Variants in NTRK3 observed in about 807,000 individuals in gnomAD.
NTRK3 encodes NT-3 growth factor receptor.
NTRK3 carries 24 observed loss-of-function variants against 91.7 expected under a neutral mutation model. The observed-to-expected ratio is 0.26, with a 90% CI of 0.19 to 0.37. NTRK3 has a LOEUF of 0.37. Among genes scored for constraint, NTRK3 ranks in the 10% least tolerant of loss-of-function variants. The probability of loss-of-function intolerance (pLI) is 1.00; values close to 1 mark genes in which losing one functional copy is unlikely to be tolerated. For missense variants in NTRK3, 880 were observed against 1,068.9 expected (o/e 0.82, Z 2.46); for synonymous variants, 483 against 404.0 (o/e 1.20, Z -2.34).
intron 13 of NTRK3, chr15:88,098,777 T>C: frequency 4.3e-6 from 1 of 232,766 alleles, no homozygotes; most frequent in Non-Finnish European, 8.5e-6. Flanking sequence ...GAAAGGAACA[T>C]GGGAGAGATG....
At chr15:88,114,208 C>T (rs1173447588) in intron 13 of NTRK3, among the ~76,000 whole-genome samples, 1 of 152,160 alleles carries the variant, frequency 6.6e-6, no homozygotes, top group African/African-American at 2.4e-5. Context: ...GAGGGAGGAA[C>T]AGCTCCCCTG....
intron 3 of NTRK3, among the ~76,000 whole-genome samples, chr15:88,193,636 C>T (rs1021729501): frequency 6.6e-6 from 1 of 152,158 alleles, no homozygotes; most frequent in African/African-American, 2.4e-5. Flanking sequence ...ATGAACGAAT[C>T]CCCAAAGGGA....
At chr15:88,059,023 T>C (rs1404864662) in intron 13 of NTRK3, among the ~76,000 whole-genome samples, 2 of 151,246 alleles carry the variant, frequency 1.3e-5, no homozygotes, top group East Asian at 1.9e-4. Flanking sequence ...AGAAGGTGCA[T>C]GGCCCCTTTA....
In NTRK3 at chr15:87,877,202, C is replaced by T. The variant is rs534481124; in HGVS notation, c.2293-82G>A. On this transcript the variant is annotated intron_variant, in intron 18 of 18. Transcript: ENST00000394480. ...GCTCAGACTCGGCAAAAAGCAACAA[C>T]TTCCCGGATTAGTTTCTATGCAGAG... The T allele has an allele frequency of 9.0e-5, 129 of 1,432,108 alleles. No homozygotes were observed. In the African/African-American group the frequency reaches 1.6e-3, roughly 18 times the overall value. 88.7% of individuals were successfully genotyped at this position (1,432,108 alleles called of 1,614,324 possible).
chr15:88,166,806 C>A (rs1333698249), intron 5 of NTRK3, among the ~76,000 whole-genome samples: 1 of 152,148 alleles, frequency 6.6e-6, no homozygotes, highest in African/African-American at 2.4e-5. Flanking sequence ...CGTTACATAA[C>A]CTCTCTGAGC....
chr15:87,931,114 C>T, intron 16 of NTRK3: 2 of 434,296 alleles, frequency 4.6e-6, no homozygotes, highest in South Asian at 3.4e-5. Flanking sequence ...ACTCTAGGCT[C>T]TCACTCTTTA....
intron 16 of NTRK3, chr15:87,931,314 G>A (rs2068778499): frequency 2.1e-6 from 1 of 472,562 alleles, no homozygotes; most frequent in Non-Finnish European, 4.2e-6. Flanking sequence ...CAAAGTGAGG[G>A]CTATCCCGAA....
chr15:88,131,649 T>C lies in NTRK3; in HGVS notation c.1205-2915A>G, dbSNP rs1157143947. Among the ~76,000 whole-genome samples the C allele has an allele frequency of 4.6e-5, 7 of 152,350 alleles. No homozygotes were observed. The East Asian group carries it at 1.3e-3, about 29-fold the overall frequency. ...TTTACATTCATTTGCATATGTCTCA[T>C]AAGGCTCCCATTTATTAGAGAATAT... On this transcript the variant is annotated intron_variant, in intron 10 of 18. Transcript: ENST00000394480.
intron 17 of NTRK3, among the ~76,000 whole-genome samples, chr15:87,892,181 C>A (rs568710774): frequency 1.3e-5 from 2 of 151,832 alleles, no homozygotes; most frequent in Non-Finnish European, 2.9e-5. Context: ...AGGAGTGAAA[C>A]CCTACAGAGT....
At chr15:88,033,000 A>C (rs1388441432) in exon 14 of NTRK3, 2 of 1,607,648 alleles carry the variant, frequency 1.2e-6, no homozygotes, top group South Asian at 2.2e-5. Flanking sequence ...GATGTGGTGC[A>C]GTGGGCTGGC....
intron 3 of NTRK3, among the ~76,000 whole-genome samples, chr15:88,196,021 T>C (rs1045508666): frequency 2.0e-5 from 3 of 152,182 alleles, no homozygotes; most frequent in Non-Finnish European, 4.4e-5. Context: ...TCACTCAATA[T>C]GGAAGTTATA....
intron 13 of NTRK3, among the ~76,000 whole-genome samples, chr15:88,123,876 T>C (rs2053001885): frequency 6.6e-6 from 1 of 152,188 alleles, no homozygotes; most frequent in South Asian, 2.1e-4. Flanking sequence ...TCAGACAGAA[T>C]AGATTGCAAA....
At chr15:88,204,395 T>TA (rs2048564716) in intron 3 of NTRK3, among the ~76,000 whole-genome samples, 1 of 67,988 alleles carries the variant, frequency 1.5e-5, no homozygotes, top group African/African-American at 6.4e-5. Flanking sequence ...CCACTGTCTA[T>TA]AAAAAAATCA....
intron 14 of NTRK3, among the ~76,000 whole-genome samples, chr15:87,996,675 C>A (rs1461117752): frequency 6.6e-6 from 1 of 152,160 alleles, no homozygotes; most frequent in East Asian, 1.9e-4. Context: ...AAACCTCATG[C>A]CCTTGACTTT....
intron 3 of NTRK3, among the ~76,000 whole-genome samples, chr15:88,224,721 C>G (rs55888191): frequency 6.6e-6 from 1 of 152,318 alleles, no homozygotes; most frequent in African/African-American, 2.4e-5. Context: ...CAGGTACCTA[C>G]CAGGAGTGCT....
At chr15:88,197,303 T>C (rs912377841) in intron 3 of NTRK3, among the ~76,000 whole-genome samples, 10 of 152,106 alleles carry the variant, frequency 6.6e-5, no homozygotes, top group African/African-American at 2.4e-4. Flanking sequence ...GTCTTTTTAT[T>C]TCTACAGCTT....
intron 14 of NTRK3, among the ~76,000 whole-genome samples, chr15:88,024,695 T>C (rs1054203097): frequency 2.6e-5 from 4 of 152,144 alleles, no homozygotes; most frequent in Admixed American, 6.5e-5. Flanking sequence ...GGATTCAGCA[T>C]GGAAACCAGC....
chr15:88,050,213 A>C (rs1567294386), intron 13 of NTRK3, among the ~76,000 whole-genome samples: 1 of 152,196 alleles, frequency 6.6e-6, no homozygotes, highest in Non-Finnish European at 1.5e-5. Context: ...TGTTGGCATG[A>C]ATTCAAAGGC....
rs139955368 is a variant in NTRK3, at chr15:87,877,439, T to C, written c.2293-319A>G. 2.1e-3 allele frequency among the ~76,000 whole-genome samples: 321 copies of C among 152,274 alleles called. 2 individuals are homozygous for C. The highest frequency in any genetic ancestry group is 7.4e-3 in the African/African-American group (306 of 41,552). Reference sequence around the variant, plus strand: ...TTTTCTTCTCTAGTCCTGAATCTCATCAGGATGACTGAGCTGCATTCATTT... The same window carrying C: ...TTTTCTTCTCTAGTCCTGAATCTCACCAGGATGACTGAGCTGCATTCATTT... On this transcript the variant is annotated intron_variant, in intron 18 of 18. Transcript: ENST00000394480.
Sources: allele counts gnomAD v4.1 joint callset (sites outside exome capture counted in the v4.1 genomes callset), GRCh38; gene constraint gnomAD v4.1.1; transcripts MANE v1.5; gene names NCBI Gene and HGNC (gene_info 2026-07-23, HGNC 2026-07-21).